The following CNTNAP3 variants were observed in gnomAD, a reference collection of about 807,000 sequenced individuals.
The protein encoded by CNTNAP3 is contactin-associated protein-like 3.
CNTNAP3 carries 36 observed loss-of-function variants against 92.1 expected under a neutral mutation model. That is an observed-to-expected ratio of 0.39 (90% CI 0.30 to 0.52). The LOEUF is 0.52. CNTNAP3 is among the 20% of genes least tolerant of loss of function. CNTNAP3 has a pLI of 0.76. For synonymous variants in CNTNAP3, 232 were observed against 422.3 expected, an observed-to-expected ratio of 0.55 and a Z score of 5.53; for missense variants, 534 against 1,069.6, an observed-to-expected ratio of 0.50 and a Z score of 6.98.
chr9:39,112,585 C>A (rs149849938), intron 14 of CNTNAP3, among the ~76,000 whole-genome samples: 7 of 152,086 alleles, frequency 4.6e-5, no homozygotes, highest in African/African-American at 1.7e-4. Flanking sequence ...AGGCTGGTCT[C>A]GAACTCCTGA....
intron 15 of CNTNAP3, among the ~76,000 whole-genome samples, chr9:39,104,245 A>T (rs1826541401): frequency 6.6e-6 from 1 of 152,072 alleles, no homozygotes; most frequent in African/African-American, 2.4e-5. Context: ...CTTACTGAAG[A>T]ACTCGGTAAG....
In CNTNAP3 at chr9:39,099,970, C is replaced by A. The variant is rs369395838; in HGVS notation, c.2936G>T (p.Arg979Leu). ...CRNGGRCREK[R>L]RGVTCDCAFS... ...GGCACAGTCACAGGTGACCCCCCTG[C>A]GTTTCTCTCTGCATCTCCCTCCATT... Residue 979 changes from arginine to leucine, a missense_variant, in exon 18 of 24, where the codon CGC becomes CTC. Arg to Leu is a moderately radical substitution (Grantham distance 102). Coordinates refer to ENST00000297668, the MANE Select transcript of CNTNAP3 (RefSeq NM_033655.5). The A allele has an allele frequency of 1.0e-5, 16 of 1,606,746 alleles. No individual in the cohort carries two copies. Among genetic ancestry groups the A allele is most frequent in the South Asian group, 3.3e-5 (3 of 90,056 alleles).
At chr9:39,104,232 G>T (rs1398593356) in intron 15 of CNTNAP3, among the ~76,000 whole-genome samples, 1 of 152,100 alleles carries the variant, frequency 6.6e-6, no homozygotes, top group Admixed American at 6.5e-5. Flanking sequence ...ACGACCAACA[G>T]AACTTACTGA....
chr9:39,118,423 T>A (rs550854796), intron 13 of CNTNAP3, among the ~76,000 whole-genome samples, 164 bp from the exon 14 acceptor site: 8 of 152,286 alleles, frequency 5.3e-5, no homozygotes, highest in South Asian at 4.1e-4. Context: ...AAACGTTTAT[T>A]TAAGCCTAAC....
chr9:39,105,225 A>C (rs1478735784), intron 15 of CNTNAP3, among the ~76,000 whole-genome samples: 1 of 152,146 alleles, frequency 6.6e-6, no homozygotes, highest in Admixed American at 6.5e-5. Context: ...CAGGAGATCC[A>C]GACCATCCTG....
chr9:39,069,534 G>A lies in CNTNAP3; in HGVS notation c.*4356C>T, dbSNP rs1445347975. ...AACCTCACATTTTAAAATATATAAT[G>A]GCACAATAAAATGCAAAAATATAAT... On this transcript the variant is annotated 3_prime_UTR_variant, in exon 24 of 24. Coordinates refer to ENST00000297668, the MANE Select transcript of CNTNAP3 (RefSeq NM_033655.5). 6.6e-6 allele frequency among the ~76,000 whole-genome samples: 1 copy of A among 152,250 alleles called. No homozygotes were observed. Among genetic ancestry groups the A allele is most frequent in the Non-Finnish European group, 1.5e-5 (1 of 68,054 alleles).
chr9:39,093,441 AAT>A (rs1274738280), intron 18 of CNTNAP3, among the ~76,000 whole-genome samples: 4 of 148,328 alleles, frequency 2.7e-5, no homozygotes, highest in Non-Finnish European at 6.0e-5. Flanking sequence ...TTAAATTCAC[AAT>A]GTTGTGCAAT....
intron 11 of CNTNAP3, among the ~76,000 whole-genome samples, chr9:39,142,671 CAAA>C (rs560924846): frequency 1.3e-4 from 13 of 102,650 alleles, no homozygotes; most frequent in Admixed American, 4.6e-4. Flanking sequence ...GACTCCGTCT[CAAA>C]AAAAAAAAAA....
At chr9:39,120,754 G>A (rs916465037) in intron 13 of CNTNAP3, among the ~76,000 whole-genome samples, 15 of 152,214 alleles carry the variant, frequency 9.9e-5, no homozygotes, top group Admixed American at 9.8e-4. Context: ...CCTAAAGAAT[G>A]GCTAAAGGAG....
At chr9:39,140,697 G>A (rs1821555112) in intron 11 of CNTNAP3, 59 bp from the exon 12 acceptor site, 3 of 1,521,442 alleles carry the variant, frequency 2.0e-6, no homozygotes, top group South Asian at 2.7e-5. Flanking sequence ...TTGAGTCAGT[G>A]TCCAAAGGTT....
At chr9:39,092,350 G>T (rs1452030741) in intron 18 of CNTNAP3, among the ~76,000 whole-genome samples, 1 of 139,402 alleles carries the variant, frequency 7.2e-6, no homozygotes, top group African/African-American at 2.6e-5. Flanking sequence ...TTTTTATTTG[G>T]GAACCATTTT....
At chr9:39,162,252 T>C (rs1305503784) in intron 9 of CNTNAP3, among the ~76,000 whole-genome samples, 1 of 40,714 alleles carries the variant, frequency 2.5e-5, no homozygotes, top group East Asian at 5.7e-4. Context: ...GCATCACTAG[T>C]CATGAGATAA....
At chr9:39,104,520 ACT>A (rs1491202561) in intron 15 of CNTNAP3, among the ~76,000 whole-genome samples, 5 of 145,872 alleles carry the variant, frequency 3.4e-5, no homozygotes, top group Admixed American at 6.9e-5. Flanking sequence ...ACACACACAC[ACT>A]GTCTTAATTC....
intron 14 of CNTNAP3, among the ~76,000 whole-genome samples, chr9:39,116,047 G>C (rs949224514): frequency 6.6e-6 from 1 of 152,052 alleles, no homozygotes; most frequent in Non-Finnish European, 1.5e-5. Context: ...AGTTACTCGG[G>C]AGGCTGAGGC....
At chr9:39,133,776 A>T (rs1363552133) in intron 12 of CNTNAP3, among the ~76,000 whole-genome samples, 1 of 151,946 alleles carries the variant, frequency 6.6e-6, no homozygotes, top group Non-Finnish European at 1.5e-5. Context: ...TTGATGAAAT[A>T]AAAACAAAAT....
Position 39,234,474 on chromosome 9 carries a change from CAT to C in CNTNAP3, c.390+4517_390+4518del, listed in dbSNP as rs1223358939. ...ATGTATATATATATATACACACACA[CAT>C]GATTATCCCAGAAAATTATCTTTTA... On this transcript the variant is annotated intron_variant, in intron 3 of 23. Coordinates refer to ENST00000297668, the MANE Select transcript of CNTNAP3 (RefSeq NM_033655.5). Among the ~76,000 whole-genome samples the C allele has an allele frequency of 7.2e-4, 19 of 26,542 alleles. 9 individuals carry two copies. In the Admixed American group the frequency reaches 0.012, roughly 17 times the overall value. The allele number at this position is 26,542 out of a possible 152,430, so 17.4% of individuals were successfully genotyped here. A position where few individuals can be genotyped will look rare whatever the true frequency, so the allele number is the denominator to read the frequency against.
In CNTNAP3 at chr9:39,225,810, C is replaced by G. The variant is rs1236017338; in HGVS notation, c.390+13183G>C. Among the ~76,000 whole-genome samples the G allele has an allele frequency of 4.9e-5, 2 of 40,826 alleles. 1 individual carries two copies. Among genetic ancestry groups the G allele is most frequent in the Non-Finnish European group, 2.5e-4 (2 of 8,014 alleles). The allele number at this position is 40,826 out of a possible 152,430, so 26.8% of individuals were successfully genotyped here. On this transcript the variant is annotated intron_variant, in intron 3 of 23. Coordinates refer to ENST00000297668, the MANE Select transcript of CNTNAP3 (RefSeq NM_033655.5). ...CCTTGTTTCTGCTACTGTTTCCTCTCTCTCTCTATCCCTCTATCTCTTTCT... is the reference window on the plus strand; with the variant it reads ...CCTTGTTTCTGCTACTGTTTCCTCTGTCTCTCTATCCCTCTATCTCTTTCT...
chr9:39,097,454 G>C (rs1422632500), intron 18 of CNTNAP3, among the ~76,000 whole-genome samples: 1 of 152,008 alleles, frequency 6.6e-6, no homozygotes, highest in Non-Finnish European at 1.5e-5. Context: ...TGGAGAAACT[G>C]TTCCTTACAA....
chr9:39,148,526 CTTTTTT>C (rs887513999), intron 10 of CNTNAP3, among the ~76,000 whole-genome samples: 5 of 137,890 alleles, frequency 3.6e-5, no homozygotes, highest in African/African-American at 1.1e-4. Flanking sequence ...GCAGATATAA[CTTTTTT>C]TTTTTTTTTT....
Sources: gnomAD v4.1 joint callset for allele counts (sites outside exome capture counted in the v4.1 genomes callset) on GRCh38, gnomAD v4.1.1 for gene constraint, MANE v1.5 for transcripts, NCBI Gene and HGNC (gene_info 2026-07-23, HGNC 2026-07-21) for gene names.